Variants in PALLD observed in about 807,000 individuals in gnomAD.
PALLD encodes the protein palladin.
Under a neutral mutation model 123.5 loss-of-function variants are expected in PALLD, and 61 were observed. That is an observed-to-expected ratio of 0.49 (90% CI 0.40 to 0.61). PALLD has a LOEUF of 0.61. Ranked by LOEUF, PALLD falls within the 20% of genes least tolerant of loss-of-function variation. PALLD has a pLI of 0.00. For synonymous variants in PALLD, 465 were observed against 496.4 expected, an observed-to-expected ratio of 0.94 and a Z score of 0.84; for missense variants, 1,273 against 1,377.0, an observed-to-expected ratio of 0.92 and a Z score of 1.20.
intron 2 of PALLD, among the ~76,000 whole-genome samples, chr4:168,572,778 A>T (rs1769128718): frequency 6.6e-6 from 1 of 151,618 alleles, no homozygotes; most frequent in South Asian, 2.1e-4. Flanking sequence ...CCCTGGTCCA[A>T]GCCATCCTTC....
intron 10 of PALLD, among the ~76,000 whole-genome samples, chr4:168,850,147 C>G (rs1321315820): frequency 6.6e-6 from 1 of 152,046 alleles, no homozygotes; most frequent in African/African-American, 2.4e-5. Context: ...ACTTCATCTG[C>G]CTAGGTCCTG....
intron 2 of PALLD, among the ~76,000 whole-genome samples, chr4:168,595,801 T>G (rs1438567735): frequency 6.6e-6 from 1 of 151,960 alleles, no homozygotes; most frequent in East Asian, 1.9e-4. Flanking sequence ...AGGGTGAGGG[T>G]AGAAAAACTA....
At chr4:168,718,633 C>T (rs1363739285) in intron 10 of PALLD, among the ~76,000 whole-genome samples, 1 of 152,220 alleles carries the variant, frequency 6.6e-6, no homozygotes, top group African/African-American at 2.4e-5. Flanking sequence ...CTCTCGGACT[C>T]AGTAACCAGT....
At chr4:168,771,469 T>C (rs1734429705) in intron 10 of PALLD, among the ~76,000 whole-genome samples, 1 of 152,146 alleles carries the variant, frequency 6.6e-6, no homozygotes, top group African/African-American at 2.4e-5. Context: ...GCTTATCCAA[T>C]TGTTGCTCAA....
chr4:168,767,540 T>G (rs1733837138), intron 10 of PALLD, among the ~76,000 whole-genome samples: 1 of 137,366 alleles, frequency 7.3e-6, no homozygotes, highest in Non-Finnish European at 1.5e-5. Context: ...TCCCTGTCTC[T>G]GATTTTTTTT....
intron 2 of PALLD, among the ~76,000 whole-genome samples, chr4:168,573,567 G>A (rs1346229956): frequency 2.6e-5 from 4 of 152,012 alleles, no homozygotes; most frequent in Non-Finnish European, 4.4e-5. Context: ...TTATTGGTGG[G>A]GGACAATAAA....
At chr4:168,741,277 G>A (rs76183580) in intron 10 of PALLD, among the ~76,000 whole-genome samples, 9,383 of 152,206 alleles carry the variant, frequency 0.062, 405 homozygotes, top group Non-Finnish European at 0.088. Context: ...TATAATATGA[G>A]GTCACTGGCT....
intron 10 of PALLD, among the ~76,000 whole-genome samples, chr4:168,872,503 A>T (rs901123773): frequency 2.0e-5 from 3 of 152,202 alleles, no homozygotes; most frequent in African/African-American, 7.2e-5. Flanking sequence ...ACATAATCCC[A>T]AGCAGTAATC....
At chr4:168,531,257 C>T (rs1047910510) in intron 2 of PALLD, among the ~76,000 whole-genome samples, 1 of 152,098 alleles carries the variant, frequency 6.6e-6, no homozygotes, top group Non-Finnish European at 1.5e-5. Context: ...CAAAGAATTG[C>T]TTAAGTAGAC....
intron 2 of PALLD, among the ~76,000 whole-genome samples, chr4:168,583,879 T>C (rs957673947): frequency 2.6e-5 from 4 of 152,152 alleles, no homozygotes; most frequent in African/African-American, 9.7e-5. Context: ...AACCTTCCAA[T>C]CCAAACTGAG....
intron 10 of PALLD, among the ~76,000 whole-genome samples, chr4:168,753,252 G>A (rs1355996033): frequency 3.3e-5 from 5 of 152,024 alleles, no homozygotes; most frequent in African/African-American, 1.2e-4. Context: ...AGGTATATAG[G>A]CTTTTAGTTC....
chr4:168,801,191 A>T (rs1259228650), intron 10 of PALLD, among the ~76,000 whole-genome samples: 1 of 152,206 alleles, frequency 6.6e-6, no homozygotes, highest in Non-Finnish European at 1.5e-5. Context: ...AGGCACACAC[A>T]GGAATCTTCT....
chr4:168,613,380 G>A (rs1475204760), intron 2 of PALLD, among the ~76,000 whole-genome samples: 3 of 152,164 alleles, frequency 2.0e-5, no homozygotes, highest in Non-Finnish European at 4.4e-5. Flanking sequence ...CCGCATCAAA[G>A]AGCATGCACC....
At chr4:168,761,645 G>GTTTTTTTTGTTTTTTTTTTTTTTTTT (rs1732874829) in intron 10 of PALLD, among the ~76,000 whole-genome samples, 1 of 88,024 alleles carries the variant, frequency 1.1e-5, no homozygotes, top group African/African-American at 4.1e-5. Flanking sequence ...GTTGTTGTTT[G>GTTTTTTTTGTTTTTTTTTTTTTTTTT]TTTTTTTTTT....
intron 10 of PALLD, among the ~76,000 whole-genome samples, chr4:168,800,424 C>A (rs1739158635): frequency 6.6e-6 from 1 of 151,944 alleles, no homozygotes; most frequent in Non-Finnish European, 1.5e-5. Context: ...TTAAAAGCTA[C>A]CAGGCAATAA....
chr4:168,925,046 TTG>T lies in PALLD; in HGVS notation c.3330_3331del (p.Ser1111LeufsTer54), dbSNP rs1762302666. On this transcript the variant is annotated frameshift_variant, in exon 20 of 22. Coordinates refer to ENST00000505667, the MANE Select transcript of PALLD (RefSeq NM_001166108.2). LOFTEE classifies it high-confidence loss of function. ...GTGTCAGCCAAGAATGAAGCAGGGA[TTG>T]TGTCCTGTACTGCCAGGCTGGACGT... 1 of 1,614,118 alleles carries T rather than the reference TTG, an allele frequency of 6.2e-7. No homozygotes were observed. Among genetic ancestry groups the T allele is most frequent in the Non-Finnish European group, 8.5e-7 (1 of 1,179,984 alleles).
At chr4:168,755,572 G>A (rs1371752078) in intron 10 of PALLD, among the ~76,000 whole-genome samples, 1 of 152,148 alleles carries the variant, frequency 6.6e-6, no homozygotes, top group Admixed American at 6.5e-5. Context: ...AAGGACTTCG[G>A]TGTCTATTCA....
intron 2 of PALLD, among the ~76,000 whole-genome samples, chr4:168,557,757 C>T (rs1397568953): frequency 1.3e-5 from 2 of 152,146 alleles, no homozygotes; most frequent in East Asian, 3.9e-4. Flanking sequence ...AATTCTCAAA[C>T]CTCTGAGCTT....
chr4:168,905,148 T>G (rs1269640512), intron 15 of PALLD, among the ~76,000 whole-genome samples: 4 of 129,610 alleles, frequency 3.1e-5, no homozygotes, highest in South Asian at 2.8e-4. Flanking sequence ...GTTTTTTTTT[T>G]TTTTTTTTTT....
Sources: gnomAD v4.1 joint callset for allele counts (sites outside exome capture counted in the v4.1 genomes callset) on GRCh38, gnomAD v4.1.1 for gene constraint, MANE v1.5 for transcripts, NCBI Gene and HGNC (gene_info 2026-07-23, HGNC 2026-07-21) for gene names.